SHANK2: variants seen among roughly 807,000 people sequenced by gnomAD.
SHANK2 encodes the protein SH3 and multiple ankyrin repeat domains 2.
In SHANK2, 43 loss-of-function variants were observed where a neutral mutation model predicts 133.7. The ratio of observed to expected loss-of-function variants is 0.32; its 90% CI spans 0.25 to 0.41. The LOEUF is 0.41. Ranked by LOEUF, SHANK2 falls within the 10% of genes least tolerant of loss-of-function variation. SHANK2 has a pLI of 1.00. For missense variants in SHANK2, 1,994 were observed against 2,235.8 expected (o/e 0.89, Z 2.18); for synonymous variants, 1,017 against 952.8 (o/e 1.07, Z -1.24).
chr11:70,862,962 T>A lies in SHANK2; in HGVS notation c.1174+33539A>T, dbSNP rs551719534. The A allele has an allele frequency of 4.4e-3, 1,275 of 289,264 alleles. 4 individuals carry two copies. Among genetic ancestry groups the A allele is most frequent in the Non-Finnish European group, 7.1e-3 (1,044 of 147,614 alleles). The allele number at this position is 289,264 out of a possible 1,614,324, so 17.9% of individuals were successfully genotyped here. Reference sequence around the variant, plus strand: ...GGTCTCAGCAGGAGACAAGCCGCCTTACCTCAGTGATTCAGGGACTCAGGG... The same window carrying A: ...GGTCTCAGCAGGAGACAAGCCGCCTAACCTCAGTGATTCAGGGACTCAGGG... On this transcript the variant is annotated intron_variant, in intron 11 of 25. Coordinates refer to ENST00000601538, the MANE Select transcript of SHANK2 (RefSeq NM_012309.5).
chr11:71,067,231 C>T (rs973887961), intron 9 of SHANK2, among the ~76,000 whole-genome samples: 9 of 152,220 alleles, frequency 5.9e-5, no homozygotes, highest in Non-Finnish European at 1.2e-4. Context: ...CGTGGGACAC[C>T]AGCAAGGGCA....
intron 10 of SHANK2, among the ~76,000 whole-genome samples, chr11:70,913,696 T>C (rs1411774625): frequency 1.3e-5 from 2 of 152,192 alleles, no homozygotes; most frequent in African/African-American, 2.4e-5. Context: ...ATTCTGAGTT[T>C]AGACGTTGGC....
chr11:71,119,079 C>A, intron 3 of SHANK2, 47 bp from the exon 4 acceptor site: 1 of 1,524,938 alleles, frequency 6.6e-7, no homozygotes, highest in Non-Finnish European at 8.9e-7. Context: ...AGGACGCTAC[C>A]TGAGTCACCC....
chr11:70,703,709 G>A (rs1945594540), intron 14 of SHANK2, among the ~76,000 whole-genome samples: 1 of 152,258 alleles, frequency 6.6e-6, no homozygotes, highest in Non-Finnish European at 1.5e-5. Context: ...AACAAAGGAT[G>A]CTGGCTGTTT....
At chr11:71,058,953 G>A (rs1416120259) in intron 9 of SHANK2, among the ~76,000 whole-genome samples, 5 of 152,352 alleles carry the variant, frequency 3.3e-5, no homozygotes, top group East Asian at 3.9e-4. Flanking sequence ...GGTGGCTCAC[G>A]TCTGTAATCC....
chr11:70,595,116 C>G (rs1287526173), intron 17 of SHANK2, among the ~76,000 whole-genome samples: 1 of 152,188 alleles, frequency 6.6e-6, no homozygotes, highest in African/African-American at 2.4e-5. Context: ...CCCTCACCTG[C>G]CAATGGGCCC....
intron 14 of SHANK2, among the ~76,000 whole-genome samples, chr11:70,730,999 A>T (rs782688198): frequency 9.9e-5 from 15 of 152,274 alleles, no homozygotes; most frequent in Non-Finnish European, 1.8e-4. Context: ...CCCATGAAGC[A>T]GTCACTCCAT....
chr11:70,788,451 C>A (rs1274526596), intron 14 of SHANK2, among the ~76,000 whole-genome samples: 1 of 152,164 alleles, frequency 6.6e-6, no homozygotes, highest in Non-Finnish European at 1.5e-5. Flanking sequence ...GAGTGCCGTT[C>A]CGCCCGGGGG....
chr11:70,874,919 G>A (rs1436591148), intron 11 of SHANK2, among the ~76,000 whole-genome samples: 1 of 152,132 alleles, frequency 6.6e-6, no homozygotes, highest in African/African-American at 2.4e-5. Context: ...CTTCACTCCA[G>A]TCAAAAGGCT....
chr11:70,774,679 G>C lies in SHANK2; in HGVS notation c.1777+23764C>G, dbSNP rs151002236. Among the ~76,000 whole-genome samples, 515 of 152,258 alleles carry C rather than the reference G, an allele frequency of 3.4e-3. 1 individual carries two copies. The highest frequency in any genetic ancestry group is 6.2e-3 in the Non-Finnish European group (425 of 68,030). On this transcript the variant is annotated intron_variant, in intron 14 of 25. Coordinates refer to ENST00000601538, the MANE Select transcript of SHANK2 (RefSeq NM_012309.5). ...GATGCAAATGCTCTGAGATTAGAGA[G>C]TGGTGATGTTTGCACAATCTCGTGA...
intron 17 of SHANK2, among the ~76,000 whole-genome samples, chr11:70,654,943 A>C (rs927976205): frequency 6.6e-6 from 1 of 151,544 alleles, no homozygotes; most frequent in Non-Finnish European, 1.5e-5. Context: ...AATTTTTTGT[A>C]TTTTTAGTAG....
At chr11:70,563,976 G>A (rs1554981345) in intron 17 of SHANK2, among the ~76,000 whole-genome samples, 2 of 152,148 alleles carry the variant, frequency 1.3e-5, no homozygotes, top group Non-Finnish European at 1.5e-5. Flanking sequence ...TCCACGATCT[G>A]CTCACTGGCA....
intron 2 of SHANK2, among the ~76,000 whole-genome samples, chr11:71,147,633 G>A (rs1158577126): frequency 6.6e-6 from 1 of 152,196 alleles, no homozygotes; most frequent in African/African-American, 2.4e-5. Flanking sequence ...CACTCAAAAG[G>A]AGCCTGAGCT....
chr11:70,537,228 C>T (rs78428666), intron 17 of SHANK2, among the ~76,000 whole-genome samples: 6,810 of 152,258 alleles, frequency 0.045, 198 homozygotes, highest in Middle Eastern at 0.068. Flanking sequence ...AGGGAAACCT[C>T]CCCCCAGGAT....
intron 17 of SHANK2, among the ~76,000 whole-genome samples, chr11:70,558,668 T>C (rs1478366612): frequency 6.7e-6 from 1 of 149,716 alleles, no homozygotes; most frequent in Non-Finnish European, 1.5e-5. Context: ...CTTGGGCCCC[T>C]GAGTTTTGCA....
At chr11:70,658,653 C>G (rs553020384) in intron 17 of SHANK2, among the ~76,000 whole-genome samples, 5 of 152,178 alleles carry the variant, frequency 3.3e-5, no homozygotes, top group Admixed American at 2.6e-4. Context: ...TCCATTGCCC[C>G]GTAATAGTCC....
At chr11:71,062,653 C>T (rs1951001123) in intron 9 of SHANK2, among the ~76,000 whole-genome samples, 1 of 152,150 alleles carries the variant, frequency 6.6e-6, no homozygotes, top group Non-Finnish European at 1.5e-5. Context: ...GAGCCTGGGA[C>T]ACTCTTCCCC....
intron 14 of SHANK2, among the ~76,000 whole-genome samples, chr11:70,780,966 C>T (rs1947471810): frequency 6.6e-6 from 1 of 151,832 alleles, no homozygotes; most frequent in African/African-American, 2.4e-5. Context: ...TTAACAGTGA[C>T]CTACACGTTA....
rs146015862 is a variant in SHANK2, at chr11:71,203,780, G to A, written c.-13+20917C>T. On this transcript the variant is annotated intron_variant, in intron 2 of 25. Coordinates refer to ENST00000601538, the MANE Select transcript of SHANK2 (RefSeq NM_012309.5). ...GGACCCCAGGCCACATGGTAGCAGC[G>A]TGACCTCTCAGGGGCCTGGGGACTA... 9.1e-3 allele frequency among the ~76,000 whole-genome samples: 1,392 copies of A among 152,210 alleles called. 26 individuals are homozygous for A. Among genetic ancestry groups the A allele is most frequent in the African/African-American group, 0.032 (1,325 of 41,528 alleles).
Sources: gnomAD v4.1 joint callset for allele counts (sites outside exome capture counted in the v4.1 genomes callset) on GRCh38, gnomAD v4.1.1 for gene constraint, MANE v1.5 for transcripts, NCBI Gene and HGNC (gene_info 2026-07-23, HGNC 2026-07-21) for gene names.